Variants in MIR2052HG observed in about 807,000 individuals in gnomAD.
MIR2052HG encodes MIR2052 host gene.
chr8:74,614,914 TC>T (rs991308576), intron 2 of MIR2052HG, among the ~76,000 whole-genome samples: 10 of 152,216 alleles, frequency 6.6e-5, no homozygotes, highest in African/African-American at 2.4e-4. Context: ...CCCTGAATTT[TC>T]TTTTTAAGTT....
chr8:74,631,411 A>G (rs1166483609), intron 2 of MIR2052HG, among the ~76,000 whole-genome samples: 1 of 152,192 alleles, frequency 6.6e-6, no homozygotes, highest in East Asian at 1.9e-4. Flanking sequence ...TTTTTCTGAA[A>G]GCTTTGAGAG....
At chr8:74,622,172 C>G (rs367939657) in intron 2 of MIR2052HG, among the ~76,000 whole-genome samples, 5 of 152,092 alleles carry the variant, frequency 3.3e-5, no homozygotes, top group Non-Finnish European at 5.9e-5. Flanking sequence ...GGACTGATAT[C>G]TAAAACATAT....
intron 4 of MIR2052HG, among the ~76,000 whole-genome samples, chr8:74,747,122 C>T (rs1310531049): frequency 6.6e-6 from 1 of 152,078 alleles, no homozygotes; most frequent in Non-Finnish European, 1.5e-5. Context: ...AATTAAGATT[C>T]TGGTCCTATA....
intron 4 of MIR2052HG, chr8:74,703,755 C>A: frequency 5.0e-6 from 2 of 400,426 alleles, no homozygotes; most frequent in South Asian, 1.9e-5. Context: ...TCTTTTGGTC[C>A]CCTTTCATAC....
intron 5 of MIR2052HG, among the ~76,000 whole-genome samples, chr8:74,753,748 T>C (rs1418099916): frequency 1.3e-5 from 2 of 152,204 alleles, no homozygotes; most frequent in African/African-American, 4.8e-5. Flanking sequence ...CCCTTCACTT[T>C]TTCTAATCCT....
intron 4 of MIR2052HG, among the ~76,000 whole-genome samples, chr8:74,721,407 T>C (rs1809577073): frequency 6.6e-6 from 1 of 152,324 alleles, no homozygotes; most frequent in Admixed American, 6.5e-5. Flanking sequence ...TTTTTATGAG[T>C]CAACTGGGCA....
At chr8:74,667,536 C>A (rs1053212305) in intron 2 of MIR2052HG, among the ~76,000 whole-genome samples, 2 of 151,910 alleles carry the variant, frequency 1.3e-5, no homozygotes, top group African/African-American at 4.8e-5. Flanking sequence ...TTACCTATGC[C>A]TATTAAATTT....
intron 2 of MIR2052HG, among the ~76,000 whole-genome samples, chr8:74,701,173 A>G (rs919360882): frequency 1.4e-4 from 22 of 152,122 alleles, no homozygotes; most frequent in South Asian, 2.1e-4. Flanking sequence ...AGAATTTGAT[A>G]AATATTTAGA....
At chr8:74,678,284 C>T (rs1022697699) in intron 2 of MIR2052HG, among the ~76,000 whole-genome samples, 2 of 152,058 alleles carry the variant, frequency 1.3e-5, no homozygotes, top group Non-Finnish European at 2.9e-5. Context: ...ACAGGCTGGA[C>T]GTGGTGGCTC....
chr8:74,628,027 G>T (rs1421263641), intron 2 of MIR2052HG, among the ~76,000 whole-genome samples: 2 of 152,178 alleles, frequency 1.3e-5, no homozygotes, highest in Non-Finnish European at 2.9e-5. Context: ...TGGGGTTTTG[G>T]AGGACTTTGG....
At chr8:74,728,759 AG>A (rs1809660865) in intron 4 of MIR2052HG, among the ~76,000 whole-genome samples, 1 of 152,194 alleles carries the variant, frequency 6.6e-6, no homozygotes, top group Admixed American at 6.5e-5. Flanking sequence ...TTCAAAGCAG[AG>A]GGCTCACTTT....
chr8:74,717,915 A>G (rs1809536904), intron 4 of MIR2052HG, among the ~76,000 whole-genome samples: 2 of 152,170 alleles, frequency 1.3e-5, no homozygotes, highest in Admixed American at 6.5e-5. Context: ...AATGACATTC[A>G]TGATTATTTT....
intron 4 of MIR2052HG, among the ~76,000 whole-genome samples, chr8:74,739,283 CT>C (rs1248445643): frequency 2.0e-5 from 3 of 152,146 alleles, no homozygotes; most frequent in African/African-American, 7.2e-5. Flanking sequence ...CTTTTTACTG[CT>C]TTGTATCCAT....
intron 2 of MIR2052HG, among the ~76,000 whole-genome samples, chr8:74,614,883 T>C (rs1225404644): frequency 1.3e-5 from 2 of 152,144 alleles, no homozygotes; most frequent in East Asian, 3.9e-4. Flanking sequence ...GAATGCAGTT[T>C]TTCCCCATGA....
At chr8:74,693,104 A>G (rs1410093955) in intron 2 of MIR2052HG, among the ~76,000 whole-genome samples, 1 of 152,212 alleles carries the variant, frequency 6.6e-6, no homozygotes, top group Non-Finnish European at 1.5e-5. Flanking sequence ...ACACAGACTG[A>G]CAAGTTATAT....
chr8:74,709,478 G>A (rs565806721), intron 4 of MIR2052HG, among the ~76,000 whole-genome samples: 1 of 152,040 alleles, frequency 6.6e-6, no homozygotes, highest in East Asian at 1.9e-4. Context: ...AATTACATGG[G>A]CATAAGTTTT....
intron 2 of MIR2052HG, among the ~76,000 whole-genome samples, chr8:74,697,323 T>TAA: frequency 6.6e-6 from 1 of 152,256 alleles, no homozygotes; most frequent in East Asian, 1.9e-4. Context: ...AGAAGGGACA[T>TAA]ATCTTAAGGT....
intron 1 of MIR2052HG, among the ~76,000 whole-genome samples, chr8:74,600,476 G>T (rs185378623): frequency 5.8e-4 from 88 of 151,050 alleles, no homozygotes; most frequent in Non-Finnish European, 1.1e-3. Flanking sequence ...CCAGCTACTC[G>T]GAGGCTGAGG....
chr8:74,643,433 G>A (rs1346886434), intron 2 of MIR2052HG, among the ~76,000 whole-genome samples: 1 of 152,164 alleles, frequency 6.6e-6, no homozygotes, highest in Non-Finnish European at 1.5e-5. Flanking sequence ...ATTGGTAAGG[G>A]AAAAGATGAA....
Sources: gnomAD v4.1 joint callset for allele counts (sites outside exome capture counted in the v4.1 genomes callset) on GRCh38, gnomAD v4.1.1 for gene constraint, MANE v1.5 for transcripts, NCBI Gene and HGNC (gene_info 2026-07-23, HGNC 2026-07-21) for gene names.